HOMER1: variants seen among roughly 807,000 people sequenced by gnomAD.
HOMER1 encodes the protein homer protein homolog 1.
In HOMER1, 3 loss-of-function variants were observed where a neutral mutation model predicts 48.9. The ratio of observed to expected loss-of-function variants is 0.06; its 90% CI spans 0.03 to 0.16. HOMER1 has a LOEUF of 0.16. Ranked by LOEUF, HOMER1 falls within the 10% of genes least tolerant of loss-of-function variation. The probability of loss-of-function intolerance (pLI) is 1.00; values close to 1 mark genes in which losing one functional copy is unlikely to be tolerated. For missense variants in HOMER1, 247 were observed against 411.4 expected, an observed-to-expected ratio of 0.60 and a Z score of 3.46; for synonymous variants, 134 against 146.4, an observed-to-expected ratio of 0.92 and a Z score of 0.61.
At chr5:79,499,834 T>A (rs955646665) in intron 1 of HOMER1, among the ~76,000 whole-genome samples, 1 of 152,216 alleles carries the variant, frequency 6.6e-6, no homozygotes, top group African/African-American at 2.4e-5. Context: ...GCTCAAGTGT[T>A]CTGTCTGCTT....
rs1423347201 is a variant in HOMER1, at chr5:79,451,791, G to A, written c.163-670C>T. Reference sequence around the variant, plus strand: ...TCACCATGTTAGCCAGGATGGTCTCGATCTCCTGATCTGCCCGCCTCGGCC... The same window carrying A: ...TCACCATGTTAGCCAGGATGGTCTCAATCTCCTGATCTGCCCGCCTCGGCC... On this transcript the variant is annotated intron_variant, in intron 2 of 8. Transcript: ENST00000334082. 5.3e-5 allele frequency among the ~76,000 whole-genome samples: 8 copies of A among 151,738 alleles called. No individual in the cohort carries two copies. In the South Asian group the frequency reaches 6.3e-4, roughly 12 times the overall value.
rs1356141435 is a variant in HOMER1, at chr5:79,372,691, C to T, written c.*3318G>A. The T allele has an allele frequency of 1.3e-5, 2 of 152,066 alleles. No individual in the cohort carries two copies. The highest frequency in any genetic ancestry group is 1.9e-4 in the East Asian group (1 of 5,198). The allele number at this position is 152,066 out of a possible 1,614,324, so 9.4% of individuals were successfully genotyped here. A position where few individuals can be genotyped will look rare whatever the true frequency, so the allele number is the denominator to read the frequency against. ...CCACTGCCATCAAACAAACTTTCCC[C>T]GACCTGCCTCCCATTCCAGTACTGA... On this transcript the variant is annotated 3_prime_UTR_variant, in exon 9 of 9. Transcript: ENST00000334082.
At chr5:79,443,164 AAG>A (rs1750784464) in intron 4 of HOMER1, among the ~76,000 whole-genome samples, 1 of 152,210 alleles carries the variant, frequency 6.6e-6, no homozygotes, top group Non-Finnish European at 1.5e-5. Context: ...AAACTGAATT[AAG>A]TACTATGTAA....
intron 1 of HOMER1, among the ~76,000 whole-genome samples, chr5:79,496,967 G>C (rs12652979): frequency 0.023 from 3,490 of 148,942 alleles, 151 homozygotes; most frequent in East Asian, 0.23. Context: ...TTGGGAGGCT[G>C]AGGCAGAAGA....
At chr5:79,465,222 C>G (rs972571078) in intron 1 of HOMER1, among the ~76,000 whole-genome samples, 27 of 151,962 alleles carry the variant, frequency 1.8e-4, no homozygotes, top group Non-Finnish European at 2.9e-5. Flanking sequence ...ATAGTCTCAG[C>G]TACTCAAGAG....
At chr5:79,497,179 T>C (rs1194734251) in intron 1 of HOMER1, among the ~76,000 whole-genome samples, 1 of 152,012 alleles carries the variant, frequency 6.6e-6, no homozygotes, top group Non-Finnish European at 1.5e-5. Context: ...AGATGTCTTC[T>C]AAAAGCAGAA....
chr5:79,464,917 T>C (rs879415593), intron 1 of HOMER1, among the ~76,000 whole-genome samples: 2 of 152,162 alleles, frequency 1.3e-5, no homozygotes, highest in African/African-American at 2.4e-5. Context: ...CACCTAGTGA[T>C]GAACCAAAAA....
intron 1 of HOMER1, among the ~76,000 whole-genome samples, chr5:79,505,740 T>C (rs558265609): frequency 4.6e-5 from 7 of 152,168 alleles, no homozygotes; most frequent in Non-Finnish European, 7.3e-5. Context: ...AGATAAAACA[T>C]TGATTAGATT....
At chr5:79,424,520 T>A (rs1428096233) in intron 5 of HOMER1, among the ~76,000 whole-genome samples, 1 of 152,054 alleles carries the variant, frequency 6.6e-6, no homozygotes. Context: ...TTGTAAATTC[T>A]AAAATAAACA....
At chr5:79,458,982 A>G (rs1343325425) in intron 1 of HOMER1, among the ~76,000 whole-genome samples, 1 of 152,134 alleles carries the variant, frequency 6.6e-6, no homozygotes, top group Non-Finnish European at 1.5e-5. Context: ...AGGTAAAAGT[A>G]TTGTTGGTCA....
At chr5:79,418,471 C>G (rs116346325) in intron 5 of HOMER1, among the ~76,000 whole-genome samples, 1 of 146,620 alleles carries the variant, frequency 6.8e-6, no homozygotes, top group South Asian at 2.1e-4. Flanking sequence ...AACAACACGA[C>G]AGAAATCCCT....
At chr5:79,393,124 G>A (rs1225974962) in intron 8 of HOMER1, among the ~76,000 whole-genome samples, 2 of 151,926 alleles carry the variant, frequency 1.3e-5, no homozygotes, top group South Asian at 2.1e-4. Flanking sequence ...AAAATAAAAA[G>A]TTTAACTAAA....
At chr5:79,388,105 C>T (rs1434266847) in intron 8 of HOMER1, among the ~76,000 whole-genome samples, 1 of 151,780 alleles carries the variant, frequency 6.6e-6, no homozygotes, top group South Asian at 2.1e-4. Context: ...GTGTGAATGC[C>T]AGAATACTGA....
intron 8 of HOMER1, among the ~76,000 whole-genome samples, chr5:79,391,638 C>T (rs552923981): frequency 5.3e-5 from 8 of 151,206 alleles, no homozygotes; most frequent in South Asian, 2.1e-4. Context: ...CCCAGCTACT[C>T]GGGAGGCTGA....
At chr5:79,478,157 T>C (rs1292842248) in intron 1 of HOMER1, among the ~76,000 whole-genome samples, 1 of 152,210 alleles carries the variant, frequency 6.6e-6, no homozygotes, top group Non-Finnish European at 1.5e-5. Context: ...CAGAGTTCTT[T>C]CTATTACTGT....
intron 2 of HOMER1, 93 bp downstream of exon 2, chr5:79,456,769 A>G: frequency 9.2e-7 from 1 of 1,087,680 alleles, no homozygotes; most frequent in South Asian, 1.9e-5. Flanking sequence ...GAAACATTTT[A>G]TATTAATGAA....
At chr5:79,396,458 T>C (rs1007353130) in intron 8 of HOMER1, among the ~76,000 whole-genome samples, 1 of 151,866 alleles carries the variant, frequency 6.6e-6, no homozygotes, top group Non-Finnish European at 1.5e-5. Context: ...TTATGACTCA[T>C]TGCAGCCTCA....
Position 79,451,082 on chromosome 5 carries a change from T to C in HOMER1, c.202A>G (p.Thr68Ala), listed in dbSNP as rs957502691. Residue 68 changes from threonine (T) to alanine (A), a missense_variant, in exon 3 of 9, where the codon ACT becomes GCT. Transcript: ENST00000334082. Reference sequence around the variant, plus strand: ...TGGCCAAACTTCTGAGATGTTTTAGTAAATGTCATGTTTGGGGTGATGGTA... The same window carrying C: ...TGGCCAAACTTCTGAGATGTTTTAGCAAATGTCATGTTTGGGGTGATGGTA... The part of the protein sequence containing the change: ...NSTITPNMTF[T>A]KTSQKFGQWA... 1.2e-6 allele frequency: 2 copies of C among 1,613,936 alleles called. No individual in the cohort carries two copies. Among genetic ancestry groups the C allele is most frequent in the Non-Finnish European group, 1.7e-6 (2 of 1,179,826 alleles).
intron 5 of HOMER1, among the ~76,000 whole-genome samples, chr5:79,417,954 TC>T (rs1319175952): frequency 2.0e-5 from 3 of 152,244 alleles, no homozygotes; most frequent in African/African-American, 7.2e-5. Flanking sequence ...AAAATCTGTT[TC>T]CAGATTTCCA....
Sources: allele counts gnomAD v4.1 joint callset (sites outside exome capture counted in the v4.1 genomes callset), GRCh38; gene constraint gnomAD v4.1.1; transcripts MANE v1.5; gene names NCBI Gene and HGNC (gene_info 2026-07-23, HGNC 2026-07-21).